Variants in LRRC4C observed in about 807,000 individuals in gnomAD.
LRRC4C encodes the protein leucine rich repeat containing 4C, also known as leucine-rich repeat-containing protein 4C.
Under a neutral mutation model 33.6 loss-of-function variants are expected in LRRC4C, and 5 were observed. That is an observed-to-expected ratio of 0.15 (90% CI 0.08 to 0.31). LRRC4C has a LOEUF of 0.31. Among genes scored for constraint, LRRC4C ranks in the 10% least tolerant of loss-of-function variants. LRRC4C has a pLI of 1.00. For missense variants in LRRC4C, 560 were observed against 796.7 expected (o/e 0.70, Z 3.58); for synonymous variants, 329 against 302.0 (o/e 1.09, Z -0.93).
At chr11:41,442,775 T>G (rs954953305) in intron 1 of LRRC4C, among the ~76,000 whole-genome samples, 3 of 152,164 alleles carry the variant, frequency 2.0e-5, no homozygotes, top group African/African-American at 7.2e-5. Flanking sequence ...GGCCTGTTGC[T>G]TCTTTCTTGC....
chr11:41,194,375 T>C (rs949337908), intron 1 of LRRC4C, among the ~76,000 whole-genome samples: 1 of 152,112 alleles, frequency 6.6e-6, no homozygotes, highest in Non-Finnish European at 1.5e-5. Context: ...GACATAAAAC[T>C]CATGATTGTC....
intron 3 of LRRC4C, among the ~76,000 whole-genome samples, chr11:40,571,599 C>A (rs1461237573): frequency 6.6e-6 from 1 of 152,138 alleles, no homozygotes; most frequent in East Asian, 1.9e-4. Flanking sequence ...GCTTAATGAG[C>A]TCTTTATGTA....
intron 3 of LRRC4C, among the ~76,000 whole-genome samples, chr11:40,466,774 T>C (rs1952673219): frequency 6.6e-6 from 1 of 152,028 alleles, no homozygotes; most frequent in Non-Finnish European, 1.5e-5. Context: ...AAAGGATATT[T>C]TACTGTTACA....
chr11:41,079,150 C>G (rs1372930488), intron 1 of LRRC4C, among the ~76,000 whole-genome samples: 1 of 152,174 alleles, frequency 6.6e-6, no homozygotes, highest in East Asian at 1.9e-4. Flanking sequence ...CTCTCAATTC[C>G]TTTCCCACTA....
chr11:40,427,915 G>A lies in LRRC4C; in HGVS notation c.-269-108194C>T, dbSNP rs140973721. ...GAAAAATTCTCAGGGAGAATGACTTGTCTTAAACCTATAAAGTCTCTATGC... is the reference window on the plus strand; with the variant it reads ...GAAAAATTCTCAGGGAGAATGACTTATCTTAAACCTATAAAGTCTCTATGC... On this transcript the variant is annotated intron_variant, in intron 3 of 6. Transcript: ENST00000528697. Among the ~76,000 whole-genome samples, 8 of 152,202 alleles carry A rather than the reference G, an allele frequency of 5.3e-5. No homozygotes were observed. The East Asian group carries it at 1.5e-3, about 29-fold the overall frequency.
At chr11:40,638,650 T>A (rs1941914242) in intron 3 of LRRC4C, among the ~76,000 whole-genome samples, 1 of 152,062 alleles carries the variant, frequency 6.6e-6, no homozygotes, top group South Asian at 2.1e-4. Context: ...TCTACTTTTT[T>A]CCACAAAGAA....
intron 2 of LRRC4C, among the ~76,000 whole-genome samples, chr11:40,840,043 A>C (rs1952845611): frequency 6.6e-6 from 1 of 152,186 alleles, no homozygotes; most frequent in Admixed American, 6.5e-5. Flanking sequence ...CAAAGATCTT[A>C]CACAGAAACT....
At chr11:40,479,437 A>G (rs890589452) in intron 3 of LRRC4C, among the ~76,000 whole-genome samples, 1 of 152,130 alleles carries the variant, frequency 6.6e-6, no homozygotes, top group African/African-American at 2.4e-5. Flanking sequence ...TGCCAATGTT[A>G]GAGTAAATGC....
At chr11:40,678,185 G>C in intron 2 of LRRC4C, among the ~76,000 whole-genome samples, 1 of 151,220 alleles carries the variant, frequency 6.6e-6, no homozygotes, top group East Asian at 2.0e-4. Context: ...GTACTGGTTT[G>C]TTACAAAGGT....
chr11:40,768,514 C>A (rs1157468836), intron 2 of LRRC4C, among the ~76,000 whole-genome samples: 1 of 151,972 alleles, frequency 6.6e-6, no homozygotes, highest in Non-Finnish European at 1.5e-5. Context: ...TACACTGATA[C>A]CAAAGTCAGA....
At chr11:41,070,026 G>C (rs1351977006) in intron 1 of LRRC4C, among the ~76,000 whole-genome samples, 1 of 152,040 alleles carries the variant, frequency 6.6e-6, no homozygotes, top group East Asian at 1.9e-4. Flanking sequence ...TACACTAAAA[G>C]GCTATAGTAA....
At chr11:40,616,473 C>T (rs559440401) in intron 3 of LRRC4C, among the ~76,000 whole-genome samples, 58 of 151,610 alleles carry the variant, frequency 3.8e-4, no homozygotes, top group South Asian at 8.3e-4. Context: ...ATGTTTATTG[C>T]GGCACTATTC....
chr11:41,002,326 A>G (rs1312835364), intron 1 of LRRC4C, among the ~76,000 whole-genome samples: 2 of 152,148 alleles, frequency 1.3e-5, no homozygotes, highest in East Asian at 3.9e-4. Flanking sequence ...TTGTGTTAAC[A>G]TAGGTTGACA....
intron 1 of LRRC4C, among the ~76,000 whole-genome samples, chr11:41,405,547 C>A (rs948169832): frequency 7.2e-5 from 11 of 152,188 alleles, no homozygotes; most frequent in African/African-American, 2.4e-4. Context: ...GAATTACTTA[C>A]ATGGTTGATA....
At chr11:40,796,010 T>C (rs565893411) in intron 2 of LRRC4C, among the ~76,000 whole-genome samples, 2 of 152,322 alleles carry the variant, frequency 1.3e-5, no homozygotes, top group South Asian at 4.1e-4. Context: ...ATAAGTTTAC[T>C]CTGATCATAG....
intron 3 of LRRC4C, among the ~76,000 whole-genome samples, chr11:40,453,632 T>C (rs1455131067): frequency 8.6e-6 from 1 of 116,072 alleles, no homozygotes; most frequent in East Asian, 3.0e-4. Flanking sequence ...AAAAAACAAC[T>C]ACGGACCAAT....
rs180957712 is a variant in LRRC4C at position 40,983,596 on chromosome 11, C to T, written c.-495-49873G>A. Among the ~76,000 whole-genome samples, 5 of 152,188 alleles carry T rather than the reference C, an allele frequency of 3.3e-5. No individual in the cohort carries two copies. The East Asian group carries it at 9.7e-4, about 29-fold the overall frequency. On this transcript the variant is annotated intron_variant, in intron 1 of 6. Transcript: ENST00000528697. The stretch of plus-strand genomic sequence containing the variant: ...GGGAGAAAATTTTTTGCAAACTATG[C>T]ATCTGACAAAGGTCTAATATCCAGC...
chr11:41,273,016 G>T (rs1198236217), intron 1 of LRRC4C, among the ~76,000 whole-genome samples: 1 of 152,062 alleles, frequency 6.6e-6, no homozygotes, highest in Non-Finnish European at 1.5e-5. Context: ...ATCAGTTACT[G>T]GTTAAGAAAA....
intron 3 of LRRC4C, among the ~76,000 whole-genome samples, chr11:40,454,334 T>C (rs1952034455): frequency 6.6e-6 from 1 of 152,168 alleles, no homozygotes; most frequent in African/African-American, 2.4e-5. Flanking sequence ...TGTATTATCT[T>C]TTCAAATATG....
Sources: gnomAD v4.1 joint callset for allele counts (sites outside exome capture counted in the v4.1 genomes callset) on GRCh38, gnomAD v4.1.1 for gene constraint, MANE v1.5 for transcripts, NCBI Gene and HGNC (gene_info 2026-07-23, HGNC 2026-07-21) for gene names.